DAB2: variants seen among roughly 807,000 people sequenced by gnomAD.
The protein encoded by DAB2 is DAB adaptor protein 2.
Under a neutral mutation model 71.6 loss-of-function variants are expected in DAB2, and 28 were observed. That is an observed-to-expected ratio of 0.39 (90% CI 0.29 to 0.54). The LOEUF is 0.54. DAB2 is among the 20% of genes least tolerant of loss of function. The pLI is 0.68. For synonymous variants in DAB2, 345 were observed against 339.7 expected (o/e 1.02, Z -0.17); for missense variants, 867 against 928.8 (o/e 0.93, Z 0.86).
At chr5:39,394,522 T>C (rs1755310660) in intron 1 of DAB2, 101 bp from the exon 2 acceptor site, 1 of 571,548 alleles carries the variant, frequency 1.7e-6, no homozygotes, top group South Asian at 2.3e-5. Context: ...TGTAGTTCTT[T>C]GGACTCATTT....
At chr5:39,392,520 T>C in intron 3 of DAB2, 57 bp from the exon 4 acceptor site, 3 of 1,295,168 alleles carry the variant, frequency 2.3e-6, no homozygotes, top group Non-Finnish European at 3.3e-6. Context: ...CTACAATGGT[T>C]TTAATATTAA....
intron 4 of DAB2, 77 bp downstream of exon 4, chr5:39,392,288 G>T: frequency 9.6e-7 from 1 of 1,037,736 alleles, no homozygotes; most frequent in South Asian, 1.3e-5. Flanking sequence ...AACGAAGAAG[G>T]GGAGCCGAAA....
Position 39,381,575 on chromosome 5 carries a change from A to G in DAB2, c.1383T>C (p.Pro461=). ...CCTGGCCTGAAGGTTCTGAGACGGG[A>G]GGAGCAAAGATGTCTGATGCAAGCA... The part of the protein sequence containing the change: ...NDLLASDIFA[P]PVSEPSGQAS... Residue 461 remains proline, a synonymous_variant, in exon 11 of 15, where the codon CCT becomes CCC. Transcript: ENST00000320816. 6.2e-7 allele frequency: 1 copy of G among 1,614,024 alleles called. No individual in the cohort carries two copies. The highest frequency in any genetic ancestry group is 8.5e-7 in the Non-Finnish European group (1 of 1,179,966).
intron 14 of DAB2, among the ~76,000 whole-genome samples, chr5:39,373,932 A>G (rs1232114797): frequency 6.6e-6 from 1 of 152,170 alleles, no homozygotes; most frequent in Non-Finnish European, 1.5e-5. Context: ...CCAAAGAGAA[A>G]TTCCTTAGGG....
rs1754732835 is a variant in DAB2 at position 39,372,846 on chromosome 5, T to C, written c.*585A>G. The C allele has an allele frequency of 6.6e-6, 1 of 152,110 alleles. No homozygotes were observed. The highest frequency in any genetic ancestry group is 2.4e-5 in the African/African-American group (1 of 41,420). The allele number at this position is 152,110 out of a possible 1,614,324, so 9.4% of individuals were successfully genotyped here. On this transcript the variant is annotated 3_prime_UTR_variant, in exon 15 of 15. Transcript: ENST00000320816. Reference sequence around the variant, plus strand: ...TGATCTTCAGAAAGAAGAGAAGCTATCTCTTTAAAAAGGTCCTTAAGTGGT... The same window carrying C: ...TGATCTTCAGAAAGAAGAGAAGCTACCTCTTTAAAAAGGTCCTTAAGTGGT...
At position 39,424,111 on chromosome 5, in the gene DAB2, G is replaced by C. The variant is rs139004001; in HGVS notation, c.-102+693C>G. The stretch of plus-strand genomic sequence containing the variant: ...TCTATGCTATGAAAACCGCTATGTT[G>C]ACTGAGGCTCCACGGTTTTAACCCA... On this transcript the variant is annotated intron_variant, in intron 1 of 14. Coordinates refer to ENST00000320816, the MANE Select transcript of DAB2 (RefSeq NM_001343.4). 4.4e-4 allele frequency among the ~76,000 whole-genome samples: 67 copies of C among 152,176 alleles called. 1 individual carries two copies. In the East Asian group the frequency reaches 0.013, roughly 29 times the overall value.
intron 1 of DAB2, among the ~76,000 whole-genome samples, chr5:39,398,063 C>G (rs1433085151): frequency 6.6e-6 from 1 of 152,216 alleles, no homozygotes; most frequent in Non-Finnish European, 1.5e-5. Context: ...GCTTAAGAGT[C>G]TGTTGCCCAT....
intron 1 of DAB2, among the ~76,000 whole-genome samples, chr5:39,423,121 T>C (rs1175326188): frequency 1.3e-5 from 2 of 152,262 alleles, no homozygotes; most frequent in Middle Eastern, 3.4e-3. Flanking sequence ...AAATGACTGG[T>C]TTCTAGGTCA....
chr5:39,408,857 C>T (rs1755660922), intron 1 of DAB2: 2 of 152,164 alleles, frequency 1.3e-5, no homozygotes, highest in Non-Finnish European at 1.5e-5. Flanking sequence ...CAACATCAGA[C>T]TGTGCTTCCT....
intron 1 of DAB2, among the ~76,000 whole-genome samples, chr5:39,413,799 A>G (rs1227931920): frequency 6.6e-6 from 1 of 152,172 alleles, no homozygotes; most frequent in Non-Finnish European, 1.5e-5. Context: ...AAGATGTGCT[A>G]ATTTGGTAGA....
Position 39,381,466 on chromosome 5 carries a change from G to C in DAB2, c.1492C>G (p.Leu498Val). Reference protein sequence around the residue: ...KTSAPAPVGPLVGLGGVTVTL... With the variant: ...KTSAPAPVGPVVGLGGVTVTL... ...TCTAGGCACCTACCTAGACCCACCA[G>C]GGGCCCCACTGGGGCAGGAGCACTT... Residue 498 changes from leucine (L) to valine (V), a missense_variant, in exon 11 of 15, where the codon CTG (leucine) becomes GTG (valine). Leu to Val is a conservative substitution (Grantham distance 32, BLOSUM62 1). Transcript: ENST00000320816. The C allele has an allele frequency of 6.2e-7, 1 of 1,613,888 alleles. No homozygotes were observed. Among genetic ancestry groups the C allele is most frequent in the Non-Finnish European group, 8.5e-7 (1 of 1,179,916 alleles).
chr5:39,372,359 G>A lies in DAB2; in HGVS notation c.*1072C>T, dbSNP rs891251465. ...AAAGTTTTCCAGTTACTTGATAAAG[G>A]CCTAGCATGACCCCAAATAAGCACC... is the stretch of plus-strand genomic sequence containing the variant. On this transcript the variant is annotated 3_prime_UTR_variant, in exon 15 of 15. Coordinates refer to ENST00000320816, the MANE Select transcript of DAB2 (RefSeq NM_001343.4). 3 of 152,132 alleles carry A rather than the reference G, an allele frequency of 2.0e-5. No homozygotes were observed. The highest frequency in any genetic ancestry group is 7.2e-5 in the African/African-American group (3 of 41,410). 9.4% of individuals were successfully genotyped at this position (152,132 alleles called of 1,614,324 possible).
At position 39,390,512 on chromosome 5, in the gene DAB2, G is replaced by A. The variant is rs756369032; in HGVS notation, c.394C>T (p.Arg132Trp). The A allele has an allele frequency of 1.9e-6, 3 of 1,613,882 alleles. No homozygotes were observed. The highest frequency in any genetic ancestry group is 1.3e-5 in the African/African-American group (1 of 74,952). ...CCTCCACACACGTAACCAAATGCCC[G>A]GTTGTCTGTCACATCACGGGCAATG... is the stretch of plus-strand genomic sequence containing the variant. Reference protein sequence around the residue: ...SFIARDVTDNRAFGYVCGGEG... With the variant: ...SFIARDVTDNWAFGYVCGGEG... The change falls in exon 5 of 15, where the codon CGG becomes TGG. Residue 132 changes from arginine to tryptophan, a missense_variant. By Grantham distance (101) the Arg-to-Trp change is moderately radical. Coordinates refer to ENST00000320816, the MANE Select transcript of DAB2 (RefSeq NM_001343.4).
Position 39,389,088 on chromosome 5 carries a change from C to A in DAB2, c.570+9G>T. 1 of 1,612,530 alleles carries A rather than the reference C, an allele frequency of 6.2e-7. No homozygotes were observed. The highest frequency in any genetic ancestry group is 8.5e-7 in the Non-Finnish European group (1 of 1,178,994). On this transcript the variant is annotated intron_variant, in intron 7 of 14. Coordinates refer to ENST00000320816, the MANE Select transcript of DAB2 (RefSeq NM_001343.4). Reference sequence around the variant, plus strand: ...ACATGATTAACAAGAAGTAAAGATGCAATTTTACCTCAACTGCTTTGCTGG... The same window carrying A: ...ACATGATTAACAAGAAGTAAAGATGAAATTTTACCTCAACTGCTTTGCTGG...
chr5:39,422,487 C>T lies in DAB2; in HGVS notation c.-102+2317G>A, dbSNP rs147423826. ...GTCAAAAGAATGAGGAAGAGAAACA[C>T]GCAGAGCCTTCAAAATTATCCAGAT... On this transcript the variant is annotated intron_variant, in intron 1 of 14. Coordinates refer to ENST00000320816, the MANE Select transcript of DAB2 (RefSeq NM_001343.4). The surrounding 1 kb of genome is among the most constrained non-coding windows in gnomAD (Gnocchi z 4.1). Among the ~76,000 whole-genome samples, 2 of 152,264 alleles carry T rather than the reference C, an allele frequency of 1.3e-5. No individual in the cohort carries two copies. The highest frequency in any genetic ancestry group is 1.9e-4 in the East Asian group (1 of 5,176).
chr5:39,376,045 T>G lies in DAB2; in HGVS notation c.2199A>C (p.Ala733=). The G allele has an allele frequency of 6.2e-7, 1 of 1,614,112 alleles. No individual in the cohort carries two copies. The highest frequency in any genetic ancestry group is 8.5e-7 in the Non-Finnish European group (1 of 1,179,986). ...SLPVTKSTDN[A]FENPFFKDSF... Reference sequence around the variant, plus strand: ...AATCTTTAAAGAAAGGGTTCTCAAATGCATTGTCAGTAGATTTGGTAACTG... The same window carrying G: ...AATCTTTAAAGAAAGGGTTCTCAAAGGCATTGTCAGTAGATTTGGTAACTG... Residue 733 remains alanine (A), a synonymous_variant, in exon 13 of 15, where the codon GCA becomes GCC. Coordinates refer to ENST00000320816, the MANE Select transcript of DAB2 (RefSeq NM_001343.4).
chr5:39,392,849 A>C (rs1755267432), intron 3 of DAB2, among the ~76,000 whole-genome samples: 1 of 152,228 alleles, frequency 6.6e-6, no homozygotes, highest in Admixed American at 6.5e-5. Context: ...AGCGCTAAGG[A>C]ACACCAATGT....
At chr5:39,413,885 G>A (rs1489070008) in intron 1 of DAB2, among the ~76,000 whole-genome samples, 1 of 152,110 alleles carries the variant, frequency 6.6e-6, no homozygotes, top group African/African-American at 2.4e-5. Context: ...ATGCTCTAGG[G>A]TTCAGTCACT....
chr5:39,413,179 A>T (rs900809870), intron 1 of DAB2, among the ~76,000 whole-genome samples: 1 of 152,128 alleles, frequency 6.6e-6, no homozygotes, highest in Non-Finnish European at 1.5e-5. Flanking sequence ...AGTTGCACAG[A>T]CTTGCCCTTT....
Sources: allele counts gnomAD v4.1 joint callset (sites outside exome capture counted in the v4.1 genomes callset), GRCh38; gene constraint gnomAD v4.1.1; non-coding constraint Gnocchi (gnomAD v3.1); transcripts MANE v1.5; gene names NCBI Gene and HGNC (gene_info 2026-07-23, HGNC 2026-07-21).